Variants in SLC26A7 observed in about 807,000 individuals in gnomAD.
The protein encoded by SLC26A7 is anion exchange transporter.
A neutral mutation model predicts 82.5 loss-of-function variants in SLC26A7; 59 were observed. The observed-to-expected ratio is 0.72, with a 90% CI of 0.58 to 0.89. The LOEUF is 0.89. Ranked by LOEUF, SLC26A7 falls within the 40% of genes least tolerant of loss-of-function variation. SLC26A7 has a pLI of 0.00. For synonymous variants in SLC26A7, 271 were observed against 274.3 expected, an observed-to-expected ratio of 0.99 and a Z score of 0.12; for missense variants, 820 against 793.0, an observed-to-expected ratio of 1.03 and a Z score of -0.41.
chr8:91,351,740 C>T (rs570114031), intron 9 of SLC26A7, 70 bp from the exon 10 acceptor site: 26 of 966,856 alleles, frequency 2.7e-5, no homozygotes, highest in Admixed American at 1.8e-4. Context: ...TCCCCCCCAC[C>T]CCATAACTTT....
chr8:91,365,477 A>G (rs796305836), intron 13 of SLC26A7, among the ~76,000 whole-genome samples: 19 of 152,302 alleles, frequency 1.2e-4, no homozygotes, highest in African/African-American at 4.6e-4. Flanking sequence ...GTGCTTTGGG[A>G]TGACTAATAT....
intron 15 of SLC26A7, among the ~76,000 whole-genome samples, chr8:91,384,020 C>G (rs1391148436): frequency 1.3e-5 from 2 of 152,116 alleles, no homozygotes; most frequent in Admixed American, 6.5e-5. Context: ...ACTCATTTCC[C>G]AAATAAACAA....
chr8:91,314,647 C>T (rs1020436186), intron 4 of SLC26A7, among the ~76,000 whole-genome samples: 9 of 152,108 alleles, frequency 5.9e-5, no homozygotes, highest in Non-Finnish European at 1.2e-4. Context: ...TTTAATCATC[C>T]TTCATATGCC....
intron 2 of SLC26A7, among the ~76,000 whole-genome samples, chr8:91,260,084 T>C (rs1810919949): frequency 6.6e-6 from 1 of 152,124 alleles, no homozygotes; most frequent in Admixed American, 6.6e-5. Flanking sequence ...ACTGTATTAG[T>C]CCATTTTAAC....
intron 2 of SLC26A7, among the ~76,000 whole-genome samples, chr8:91,229,122 G>GTC (rs1488997868): frequency 2.0e-5 from 3 of 152,104 alleles, no homozygotes; most frequent in East Asian, 1.9e-4. Context: ...AATCCTGCCA[G>GTC]TCTCTCTCTC....
intron 2 of SLC26A7, among the ~76,000 whole-genome samples, chr8:91,286,698 GAGATAATTCTGCTAATTT>G (rs1811720871): frequency 6.6e-6 from 1 of 152,196 alleles, no homozygotes; most frequent in African/African-American, 2.4e-5. Context: ...AGAGAAAGTA[GAGATAATTCTGCTAATTT>G]GTTAGCGACT....
intron 2 of SLC26A7, among the ~76,000 whole-genome samples, chr8:91,258,874 A>G (rs1810880907): frequency 6.6e-6 from 1 of 151,908 alleles, no homozygotes; most frequent in Non-Finnish European, 1.5e-5. Flanking sequence ...TCTATCTTAA[A>G]CTCCAACAAA....
At chr8:91,329,840 T>C (rs76162887) in intron 5 of SLC26A7, among the ~76,000 whole-genome samples, 4,657 of 152,196 alleles carry the variant, frequency 0.031, 217 homozygotes, top group African/African-American at 0.11. Flanking sequence ...CCCCTTTCCC[T>C]GTAGAATATT....
chr8:91,213,572 T>A lies in SLC26A7; in HGVS notation c.-150+4030T>A, dbSNP rs188767012. 3.0e-3 allele frequency among the ~76,000 whole-genome samples: 451 copies of A among 152,270 alleles called. 1 individual carries two copies. Among genetic ancestry groups the A allele is most frequent in the African/African-American group, 0.01 (425 of 41,536 alleles). The stretch of plus-strand genomic sequence containing the variant: ...AGTAGGAGACCTAGTCTGTTCCAAA[T>A]GGTTTAAAATTTGAGTTTAAATGCT... On this transcript the variant is annotated intron_variant, in intron 1 of 5. Coordinates refer to the SLC26A7 transcript ENST00000522862.
At chr8:91,252,497 A>G (rs987137726) in intron 2 of SLC26A7, among the ~76,000 whole-genome samples, 1 of 151,436 alleles carries the variant, frequency 6.6e-6, no homozygotes, top group Non-Finnish European at 1.5e-5. Context: ...TTTAGACACC[A>G]CTCTTGTTTT....
At position 91,229,749 on chromosome 8, in the gene SLC26A7, A is replaced by G. The variant is rs187327180; in HGVS notation, c.-34+10744A>G. ...TATGGAGCATTGCCACCACCCCAAA[A>G]AATGTTCTCATGTCCCTTCCCTGTA... On this transcript the variant is annotated intron_variant, in intron 2 of 5. Transcript: ENST00000522862. Among the ~76,000 whole-genome samples the G allele has an allele frequency of 6.6e-4, 100 of 152,320 alleles. No homozygotes were observed. In the East Asian group the frequency reaches 0.015, roughly 23 times the overall value.
At chr8:91,264,624 T>G (rs1811059680) in intron 2 of SLC26A7, among the ~76,000 whole-genome samples, 1 of 152,022 alleles carries the variant, frequency 6.6e-6, no homozygotes, top group Admixed American at 6.6e-5. Context: ...TACAGGTCAC[T>G]TAATCTCCCA....
chr8:91,269,076 A>C (rs1811194983), intron 2 of SLC26A7, among the ~76,000 whole-genome samples: 1 of 151,872 alleles, frequency 6.6e-6, no homozygotes, highest in Non-Finnish European at 1.5e-5. Flanking sequence ...ATTGTCTTTA[A>C]TAGTTTTGTT....
chr8:91,260,060 A>G (rs1810919227), intron 2 of SLC26A7, among the ~76,000 whole-genome samples: 1 of 152,066 alleles, frequency 6.6e-6, no homozygotes, highest in Non-Finnish European at 1.5e-5. Flanking sequence ...TTTTTGATTC[A>G]TATTTGATTG....
intron 3 of SLC26A7, among the ~76,000 whole-genome samples, chr8:91,292,324 A>G (rs1249629077): frequency 2.0e-5 from 3 of 151,914 alleles, no homozygotes; most frequent in Admixed American, 1.3e-4. Flanking sequence ...AAAAAAAAGA[A>G]GATAATTTTC....
At chr8:91,260,338 C>T (rs1467749268) in intron 2 of SLC26A7, among the ~76,000 whole-genome samples, 3 of 152,120 alleles carry the variant, frequency 2.0e-5, no homozygotes, top group South Asian at 4.1e-4. Flanking sequence ...AAACCACCAC[C>T]GTGATCTAAT....
intron 11 of SLC26A7, among the ~76,000 whole-genome samples, chr8:91,355,715 C>G (rs865847248): frequency 4.0e-5 from 6 of 150,846 alleles, no homozygotes; most frequent in Middle Eastern, 3.4e-3. Flanking sequence ...CTATCTTTTG[C>G]CTCTTTTTTT....
At chr8:91,274,018 A>T (rs1439808228) in intron 2 of SLC26A7, among the ~76,000 whole-genome samples, 1 of 152,166 alleles carries the variant, frequency 6.6e-6, no homozygotes, top group Non-Finnish European at 1.5e-5. Flanking sequence ...TTAACTTTGG[A>T]TGTATCACTT....
At chr8:91,228,109 T>C (rs531193712) in intron 2 of SLC26A7, among the ~76,000 whole-genome samples, 4 of 152,360 alleles carry the variant, frequency 2.6e-5, no homozygotes, top group African/African-American at 9.6e-5. Context: ...AGAGCAGCCA[T>C]GGCACACCAG....
Sources: gnomAD v4.1 joint callset for allele counts (sites outside exome capture counted in the v4.1 genomes callset) on GRCh38, gnomAD v4.1.1 for gene constraint, MANE v1.5 for transcripts, NCBI Gene and HGNC (gene_info 2026-07-23, HGNC 2026-07-21) for gene names.